TNRC6A: variants seen among roughly 807,000 people sequenced by gnomAD.
The protein encoded by TNRC6A is trinucleotide repeat-containing gene 6A protein.
Under a neutral mutation model 221.2 loss-of-function variants are expected in TNRC6A, and 44 were observed. The observed-to-expected ratio is 0.20, with a 90% confidence interval of 0.16 to 0.26. TNRC6A has a LOEUF of 0.26. Ranked by LOEUF, TNRC6A falls within the 10% of genes least tolerant of loss-of-function variation. The pLI, the probability that TNRC6A is intolerant of heterozygous loss-of-function variation, is 1.00. For synonymous variants in TNRC6A, 847 were observed against 838.5 expected, an observed-to-expected ratio of 1.01 and a Z score of -0.18; for missense variants, 2,199 against 2,404.4, an observed-to-expected ratio of 0.91 and a Z score of 1.79.
intron 2 of TNRC6A, among the ~76,000 whole-genome samples, chr16:24,743,253 T>C (rs982796877): frequency 6.6e-6 from 1 of 152,216 alleles, no homozygotes; most frequent in African/African-American, 2.4e-5. Context: ...TCTGTCCTTA[T>C]GGTGGAGTAT....
intron 2 of TNRC6A, among the ~76,000 whole-genome samples, chr16:24,749,716 T>A (rs1170300623): frequency 6.6e-6 from 1 of 152,272 alleles, no homozygotes; most frequent in East Asian, 1.9e-4. Flanking sequence ...TAACCCTTTT[T>A]CCTGAAAGGT....
At chr16:24,803,843 G>A in intron 11 of TNRC6A, 1 of 203,876 alleles carries the variant, frequency 4.9e-6, no homozygotes, top group East Asian at 1.6e-4. Context: ...GGAGGTTGCA[G>A]TGAGCCGAGA....
Position 24,790,415 on chromosome 16 carries a change from C to A in TNRC6A, c.1773C>A (p.Gly591=). 6.2e-7 allele frequency: 1 copy of A among 1,614,134 alleles called. No homozygotes were observed. Among genetic ancestry groups the A allele is most frequent in the Admixed American group, 1.7e-5 (1 of 60,018 alleles). ...GTACATCATGGGGAAGTGGAAATGG[C>A]GCAAATTCTGGAGGAAGTCGAAGAG... The part of the protein sequence containing the change: ...SQSTSWGSGN[G]ANSGGSRRGW... The change falls in exon 6 of 25, where the codon GGC becomes GGA. Residue 591 remains glycine, a synonymous_variant. Coordinates refer to ENST00000395799, the MANE Select transcript of TNRC6A (RefSeq NM_014494.4).
At chr16:24,654,432 C>T (rs1308866146) in intron 2 of TNRC6A, among the ~76,000 whole-genome samples, 3 of 152,212 alleles carry the variant, frequency 2.0e-5, no homozygotes, top group Middle Eastern at 3.4e-3. Flanking sequence ...AGACCAGGTA[C>T]GGTGACTCAC....
At position 24,707,842 on chromosome 16, in the gene TNRC6A, T is replaced by C. The variant is rs115613303; in HGVS notation, n.403-42884T>C. Among the ~76,000 whole-genome samples the C allele has an allele frequency of 6.7e-3, 1,020 of 152,240 alleles. 12 individuals carry two copies. Among genetic ancestry groups the C allele is most frequent in the African/African-American group, 0.023 (960 of 41,558 alleles). On this transcript the variant is annotated intron_variant and non_coding_transcript_variant, in intron 2 of 2. Coordinates refer to the TNRC6A transcript ENST00000566108. Reference sequence around the variant, plus strand: ...GGGAGGCCAAGGTGGGTAGACGTCTTGAGGCCAGGAGTTCAAGACCAGCCT... The same window carrying C: ...GGGAGGCCAAGGTGGGTAGACGTCTCGAGGCCAGGAGTTCAAGACCAGCCT...
At chr16:24,709,082 C>T (rs1003997160) in intron 2 of TNRC6A, among the ~76,000 whole-genome samples, 1 of 151,946 alleles carries the variant, frequency 6.6e-6, no homozygotes, top group Non-Finnish European at 1.5e-5. Flanking sequence ...CATGGAGAAA[C>T]CCCGTCTCTA....
At chr16:24,632,370 C>T (rs1464730380) in intron 1 of TNRC6A, among the ~76,000 whole-genome samples, 1 of 152,126 alleles carries the variant, frequency 6.6e-6, no homozygotes, top group Non-Finnish European at 1.5e-5. Flanking sequence ...ATTCCACCAC[C>T]GTCCACCTAG....
At chr16:24,798,464 C>G (rs904954499) in intron 11 of TNRC6A, among the ~76,000 whole-genome samples, 3 of 152,080 alleles carry the variant, frequency 2.0e-5, no homozygotes, top group Non-Finnish European at 4.4e-5. Context: ...TAAAGTGAAG[C>G]AAGGGAATGA....
At chr16:24,732,456 C>T (rs554479482) in intron 2 of TNRC6A, among the ~76,000 whole-genome samples, 3 of 152,194 alleles carry the variant, frequency 2.0e-5, no homozygotes, top group Non-Finnish European at 4.4e-5. Context: ...TAAGATTTTA[C>T]ATGGACTCAT....
intron 2 of TNRC6A, among the ~76,000 whole-genome samples, chr16:24,673,314 T>A (rs1254448184): frequency 1.3e-5 from 2 of 152,196 alleles, no homozygotes; most frequent in African/African-American, 2.4e-5. Flanking sequence ...AGATTGAAGG[T>A]CACACAGCTA....
intron 1 of TNRC6A, among the ~76,000 whole-genome samples, chr16:24,633,896 C>T (rs1271928526): frequency 1.3e-5 from 2 of 151,894 alleles, no homozygotes; most frequent in African/African-American, 4.8e-5. Context: ...ATTCTCATGT[C>T]AGCCTCCTGA....
intron 2 of TNRC6A, among the ~76,000 whole-genome samples, chr16:24,746,657 A>G (rs1390178570): frequency 3.9e-5 from 6 of 152,204 alleles, no homozygotes; most frequent in Non-Finnish European, 7.3e-5. Flanking sequence ...AGATAGTGAC[A>G]TTTAAAAATT....
chr16:24,712,913 G>GTGTGTGTA (rs2056233143), intron 2 of TNRC6A, among the ~76,000 whole-genome samples: 1 of 36,464 alleles, frequency 2.7e-5, no homozygotes, highest in African/African-American at 7.0e-5. Flanking sequence ...GCCACTGTGT[G>GTGTGTGTA]TGTGTGTGTG....
At chr16:24,621,702 T>A (rs1420106394) in intron 1 of TNRC6A, among the ~76,000 whole-genome samples, 2 of 152,176 alleles carry the variant, frequency 1.3e-5, no homozygotes, top group Non-Finnish European at 2.9e-5. Flanking sequence ...TTTATATGTG[T>A]AACGTGTGCA....
chr16:24,669,950 T>TTTTTTTTTTTTTTTTTG (rs2055259112), intron 2 of TNRC6A, among the ~76,000 whole-genome samples: 1 of 98,982 alleles, frequency 1.0e-5, no homozygotes, highest in Non-Finnish European at 2.2e-5. Context: ...ACTTTTTTTT[T>TTTTTTTTTTTTTTTTTG]TTTTTTTTTT....
Position 24,806,218 on chromosome 16 carries a change from CA to C in TNRC6A, c.4265del (p.Gln1422ArgfsTer32). On this transcript the variant is annotated frameshift_variant, in exon 16 of 25. Coordinates refer to ENST00000395799, the MANE Select transcript of TNRC6A (RefSeq NM_014494.4). LOFTEE classifies it high-confidence loss of function. ...QISQLQRLLA[Q>X]QQRAQSQRSV... ...ATCTTTCCTCTAGCGATTGTTAGCG[CA>C]GCAGCAAAGGGCGCAGAGTCAGAGA... 6.2e-7 allele frequency: 1 copy of C among 1,614,164 alleles called. No individual in the cohort carries two copies. Among genetic ancestry groups the C allele is most frequent in the Non-Finnish European group, 8.5e-7 (1 of 1,180,030 alleles).
chr16:24,820,478 G>A (rs2058746306), intron 22 of TNRC6A, 118 bp downstream of exon 22: 23 of 873,304 alleles, frequency 2.6e-5, no homozygotes, highest in Non-Finnish European at 4.2e-5. Context: ...CCATCAGGGG[G>A]AATGAGAACT....
intron 1 of TNRC6A, among the ~76,000 whole-genome samples, chr16:24,626,132 G>GT (rs55718701): frequency 2.0e-5 from 3 of 151,178 alleles, no homozygotes; most frequent in Non-Finnish European, 4.4e-5. Context: ...CACACATTCA[G>GT]TTTTTTTTTC....
intron 1 of TNRC6A, among the ~76,000 whole-genome samples, chr16:24,626,506 T>C (rs961979302): frequency 2.0e-5 from 3 of 152,076 alleles, no homozygotes; most frequent in African/African-American, 7.2e-5. Flanking sequence ...ATTCAAGCCA[T>C]AGCATACTTT....
Sources: gnomAD v4.1 joint callset for allele counts (sites outside exome capture counted in the v4.1 genomes callset) on GRCh38, gnomAD v4.1.1 for gene constraint, MANE v1.5 for transcripts, NCBI Gene and HGNC (gene_info 2026-07-23, HGNC 2026-07-21) for gene names.